Variants in CTNND2 observed in about 807,000 individuals in gnomAD.
CTNND2 encodes the protein catenin delta-2.
Under a neutral mutation model 144.4 loss-of-function variants are expected in CTNND2, and 22 were observed. The observed-to-expected ratio is 0.15, with a 90% CI of 0.11 to 0.22. The LOEUF (loss-of-function observed/expected upper bound fraction) is 0.22, where lower values mean the gene tolerates loss of function less well. CTNND2 is among the 10% of genes least tolerant of loss of function. The probability of loss-of-function intolerance (pLI) is 1.00; values close to 1 mark genes in which losing one functional copy is unlikely to be tolerated. For synonymous variants in CTNND2, 751 were observed against 695.6 expected, an observed-to-expected ratio of 1.08 and a Z score of -1.25; for missense variants, 1,353 against 1,618.8, an observed-to-expected ratio of 0.84 and a Z score of 2.82.
chr5:11,401,394 A>T (rs1272915115), intron 5 of CTNND2, among the ~76,000 whole-genome samples: 1 of 152,226 alleles, frequency 6.6e-6, no homozygotes, highest in Non-Finnish European at 1.5e-5. Context: ...CTTTGTAATA[A>T]TACAGAAGAG....
chr5:11,695,072 G>A (rs1317006053), intron 2 of CTNND2, among the ~76,000 whole-genome samples: 2 of 152,194 alleles, frequency 1.3e-5, no homozygotes, highest in East Asian at 3.9e-4. Flanking sequence ...TATGCTAGAT[G>A]AGGTTAAGTA....
intron 1 of CTNND2, among the ~76,000 whole-genome samples, chr5:11,733,330 C>T (rs12656990): frequency 0.14 from 21,733 of 151,900 alleles, 1,729 homozygotes; most frequent in East Asian, 0.27. Context: ...TAGATAGTGT[C>T]GGACTGATAG....
intron 11 of CTNND2, among the ~76,000 whole-genome samples, chr5:11,167,642 G>A (rs1236974064): frequency 6.6e-6 from 1 of 150,902 alleles, no homozygotes; most frequent in Non-Finnish European, 1.5e-5. Flanking sequence ...AACATTAAAA[G>A]TTTAGATCAA....
chr5:11,727,906 C>T (rs1052604436), intron 2 of CTNND2, among the ~76,000 whole-genome samples: 12 of 152,226 alleles, frequency 7.9e-5, no homozygotes, highest in South Asian at 2.1e-4. Context: ...GATTTAGCAA[C>T]GATATGTGGC....
intron 13 of CTNND2, among the ~76,000 whole-genome samples, chr5:11,113,540 C>G (rs1028070104): frequency 2.0e-5 from 3 of 151,962 alleles, no homozygotes; most frequent in Non-Finnish European, 4.4e-5. Context: ...CTTTTGACTA[C>G]AGGAACCATG....
rs184089679 is a variant in CTNND2, at chr5:11,813,818, A to T, written c.38-81546T>A. Among the ~76,000 whole-genome samples, 3 of 152,296 alleles carry T rather than the reference A, an allele frequency of 2.0e-5. No individual in the cohort carries two copies. The East Asian group carries it at 5.8e-4, about 29-fold the overall frequency. On this transcript the variant is annotated intron_variant, in intron 1 of 21. Transcript: ENST00000304623. ...CATGAGCCACCCCACTCAGCCTAGA[A>T]CAAACATTTAAATCAGCATGCATGT...
At chr5:11,853,866 A>C (rs971241972) in intron 1 of CTNND2, among the ~76,000 whole-genome samples, 1 of 152,116 alleles carries the variant, frequency 6.6e-6, no homozygotes, top group African/African-American at 2.4e-5. Flanking sequence ...TCCTCGTCTG[A>C]GCCGCCATCA....
intron 1 of CTNND2, among the ~76,000 whole-genome samples, chr5:11,852,589 T>C (rs1475695654): frequency 1.3e-5 from 2 of 152,128 alleles, no homozygotes; most frequent in East Asian, 3.9e-4. Context: ...ATCCAAACAG[T>C]ATCCAGTTCA....
chr5:11,689,498 CAG>C (rs1784800817), intron 2 of CTNND2, among the ~76,000 whole-genome samples: 4 of 152,150 alleles, frequency 2.6e-5, no homozygotes, highest in South Asian at 4.1e-4. Context: ...CACCTAAAAA[CAG>C]AATCATACTG....
chr5:11,400,485 G>A (rs929203929), intron 5 of CTNND2, among the ~76,000 whole-genome samples: 2 of 152,160 alleles, frequency 1.3e-5, no homozygotes, highest in Non-Finnish European at 2.9e-5. Flanking sequence ...CCTCAGAACT[G>A]AGCCCAAGGG....
At chr5:11,130,395 T>C (rs912774026) in intron 12 of CTNND2, among the ~76,000 whole-genome samples, 14 of 152,160 alleles carry the variant, frequency 9.2e-5, no homozygotes, top group African/African-American at 2.4e-4. Context: ...TCAGGGAACA[T>C]TGTTCCAGAG....
At chr5:11,395,428 C>T (rs1000915957) in intron 6 of CTNND2, among the ~76,000 whole-genome samples, 20 of 152,330 alleles carry the variant, frequency 1.3e-4, no homozygotes, top group African/African-American at 4.3e-4. Context: ...CTTGTGCATC[C>T]TACCCACTGC....
intron 1 of CTNND2, among the ~76,000 whole-genome samples, chr5:11,881,487 GAGATGAAAT>G (rs1736108976): frequency 6.6e-6 from 1 of 151,890 alleles, no homozygotes; most frequent in African/African-American, 2.4e-5. Context: ...CTACTTCCAT[GAGATGAAAT>G]TTTTTAGCTC....
At position 11,307,105 on chromosome 5, in the gene CTNND2, CT is replaced by C. The variant is rs112645224; in HGVS notation, c.1628+39266del. 1.0e-2 allele frequency among the ~76,000 whole-genome samples: 1,464 copies of C among 146,716 alleles called. 21 individuals carry two copies. The highest frequency in any genetic ancestry group is 0.034 in the African/African-American group (1,355 of 40,336). On this transcript the variant is annotated intron_variant, in intron 9 of 21. Coordinates refer to ENST00000304623, the MANE Select transcript of CTNND2 (RefSeq NM_001332.4). The stretch of plus-strand genomic sequence containing the variant: ...TTTGCTCAAAGTGTGATCCCAAAGC[CT>C]TTTTTTTTTTCTGAATTACCTTCAG...
chr5:11,373,194 T>C (rs1757618656), intron 7 of CTNND2, among the ~76,000 whole-genome samples: 1 of 152,232 alleles, frequency 6.6e-6, no homozygotes, highest in Non-Finnish European at 1.5e-5. Flanking sequence ...ATGAGCAGGA[T>C]AGCTGGGGCA....
chr5:11,798,047 G>C (rs937458201), intron 1 of CTNND2, among the ~76,000 whole-genome samples: 6 of 151,632 alleles, frequency 4.0e-5, no homozygotes, highest in Non-Finnish European at 8.8e-5. Flanking sequence ...CACCTGAGGT[G>C]AGGAGTTCGA....
At chr5:11,051,804 G>C (rs1403193737) in intron 16 of CTNND2, among the ~76,000 whole-genome samples, 2 of 152,182 alleles carry the variant, frequency 1.3e-5, no homozygotes, top group Non-Finnish European at 2.9e-5. Flanking sequence ...CAAAAGGCAA[G>C]TAAGAGTGGC....
chr5:11,689,579 G>A (rs1166856727), intron 2 of CTNND2, among the ~76,000 whole-genome samples: 1 of 152,068 alleles, frequency 6.6e-6, no homozygotes, highest in Non-Finnish European at 1.5e-5. Context: ...ACAGAATATT[G>A]TCACTTACTT....
chr5:11,102,302 C>T (rs1384031346), intron 14 of CTNND2, among the ~76,000 whole-genome samples: 1 of 152,186 alleles, frequency 6.6e-6, no homozygotes, highest in Non-Finnish European at 1.5e-5. Context: ...GGATATATCA[C>T]TAGTGTAATA....
Sources: allele counts gnomAD v4.1 joint callset (sites outside exome capture counted in the v4.1 genomes callset), GRCh38; gene constraint gnomAD v4.1.1; transcripts MANE v1.5; gene names NCBI Gene and HGNC (gene_info 2026-07-23, HGNC 2026-07-21).